Variants in FAM53A observed in about 807,000 individuals in gnomAD.
FAM53A encodes the protein family with sequence similarity 53 member A, also known as protein FAM53A.
In FAM53A, 28 loss-of-function variants were observed where a neutral mutation model predicts 26.6. The observed-to-expected ratio is 1.05, with a 90% CI of 0.78 to 1.45. The LOEUF (loss-of-function observed/expected upper bound fraction) is 1.45. Among genes scored for constraint, FAM53A ranks in the 40% most tolerant of loss-of-function variants. The pLI is 0.00. For missense variants in FAM53A, 650 were observed against 575.8 expected (o/e 1.13, Z -1.32); for synonymous variants, 290 against 253.1 (o/e 1.15, Z -1.38).
chr4:1,609,528 A>T, the FAM53A span, among the ~76,000 whole-genome samples: 1 of 152,002 alleles, frequency 6.6e-6, no homozygotes, highest in Non-Finnish European at 1.5e-5. Context: ...AGTGAGTCTC[A>T]CGAGATCTGA....
chr4:1,607,984 A>T, the FAM53A span, among the ~76,000 whole-genome samples: 1 of 149,214 alleles, frequency 6.7e-6, no homozygotes, highest in East Asian at 2.0e-4. Context: ...TGGTAGCACG[A>T]GCCTGTAATC....
chr4:1,583,275 C>T, the FAM53A span, among the ~76,000 whole-genome samples: 1 of 152,052 alleles, frequency 6.6e-6, no homozygotes, highest in African/African-American at 2.4e-5. Flanking sequence ...AGGCAGGGTA[C>T]AGTTAGAGAT....
downstream of FAM53A, among the ~76,000 whole-genome samples, chr4:1,613,270 G>C (rs1714694732): frequency 6.6e-6 from 1 of 152,232 alleles, no homozygotes; most frequent in Non-Finnish European, 1.5e-5. Flanking sequence ...GGCGCCGGCA[G>C]GTTTGGTGTC....
At chr4:1,588,445 T>G in the FAM53A span, among the ~76,000 whole-genome samples, 3 of 152,206 alleles carry the variant, frequency 2.0e-5, no homozygotes, top group African/African-American at 7.2e-5. Flanking sequence ...TGCCGAGAAC[T>G]GGACATCAAA....
chr4:1,668,079 G>T (rs939028613), intron 2 of FAM53A, among the ~76,000 whole-genome samples: 4 of 152,170 alleles, frequency 2.6e-5, no homozygotes, highest in Non-Finnish European at 5.9e-5. Context: ...CTGCGCTTGG[G>T]GCTCCAGCTT....
At chr4:1,680,043 G>A (rs548315294) in intron 1 of FAM53A, among the ~76,000 whole-genome samples, 10 of 137,264 alleles carry the variant, frequency 7.3e-5, no homozygotes, top group African/African-American at 1.9e-4. Flanking sequence ...AAAAAAGTCC[G>A]GGCACGGTGG....
Position 1,655,599 on chromosome 4 carries a change from C to CT in FAM53A, c.260dup (p.Pro88AlafsTer20). ...CTGCGCCTGGGCGCGGGGACTGTGG[C>CT]TGCCACTGAAGACCCATGGTGTGAG... On this transcript the variant is annotated frameshift_variant, in exon 4 of 5. Transcript: ENST00000308132. LOFTEE classifies it high-confidence loss of function. 1.9e-6 allele frequency: 3 copies of CT among 1,589,818 alleles called. No homozygotes were observed. The highest frequency in any genetic ancestry group is 2.6e-6 in the Non-Finnish European group (3 of 1,167,168).
the FAM53A span, among the ~76,000 whole-genome samples, chr4:1,579,561 C>G: frequency 1.3e-5 from 2 of 152,208 alleles, no homozygotes; most frequent in African/African-American, 2.4e-5. Flanking sequence ...GACGCAGCCT[C>G]TGTGTGACCA....
rs1426310085 is a variant in FAM53A at position 1,657,974 on chromosome 4, TTC to T, written c.76-508_76-507del. On this transcript the variant is annotated intron_variant, in intron 2 of 4. Transcript: ENST00000308132. Reference sequence around the variant, plus strand: ...ATTTTTAAATTTTTTAAAAAATTTTTTCTGTTTTTAAAAGAGCTGTTAACACT... The same window carrying T: ...ATTTTTAAATTTTTTAAAAAATTTTTTGTTTTTAAAAGAGCTGTTAACACT... Among the ~76,000 whole-genome samples, 6 of 149,008 alleles carry T rather than the reference TTC, an allele frequency of 4.0e-5. No homozygotes were observed. In the East Asian group the frequency reaches 1.2e-3, roughly 30 times the overall value.
chr4:1,607,261 C>G, the FAM53A span, among the ~76,000 whole-genome samples: 53 of 152,140 alleles, frequency 3.5e-4, no homozygotes, highest in Middle Eastern at 3.4e-3. Flanking sequence ...GCAAGTGATC[C>G]GCCTGCCTCG....
At chr4:1,634,782 C>G (rs1715763700) in intron 1 of FAM53A, among the ~76,000 whole-genome samples, 1 of 152,062 alleles carries the variant, frequency 6.6e-6, no homozygotes, top group South Asian at 2.1e-4. Context: ...CGCCTGTAAT[C>G]CCAGTTACTC....
chr4:1,623,137 T>C (rs1300079476), intron 1 of FAM53A, among the ~76,000 whole-genome samples: 2 of 152,156 alleles, frequency 1.3e-5, no homozygotes. Context: ...GCAGAAAGTA[T>C]GGCAGGTCCA....
chr4:1,648,809 A>T (rs79710755), intron 4 of FAM53A, among the ~76,000 whole-genome samples: 1 of 152,124 alleles, frequency 6.6e-6, no homozygotes, highest in Non-Finnish European at 1.5e-5. Flanking sequence ...TCATTAACAA[A>T]GTCACTGAAG....
At chr4:1,643,269 A>G (rs369395314) in intron 4 of FAM53A, among the ~76,000 whole-genome samples, 15 of 152,070 alleles carry the variant, frequency 9.9e-5, no homozygotes, top group African/African-American at 3.6e-4. Flanking sequence ...GATCAAGACC[A>G]TCCTGGCTAA....
the FAM53A span, among the ~76,000 whole-genome samples, chr4:1,588,089 C>G: frequency 6.6e-6 from 1 of 152,234 alleles, no homozygotes. Context: ...AATGCTAAGT[C>G]AGCCATCGGC....
rs1714734582 is a variant in FAM53A, at chr4:1,672,317, G to GCT, written c.-164-3413_-164-3412insAG. ...AGACCCAGGAACCCATGAACCCATGGACCCACAAACCCAGGAACCCATAGA... is the reference window on the plus strand; with the variant it reads ...AGACCCAGGAACCCATGAACCCATGGCTACCCACAAACCCAGGAACCCATAGA... On this transcript the variant is annotated intron_variant, in intron 1 of 4. Transcript: ENST00000308132. 9.5e-5 allele frequency among the ~76,000 whole-genome samples: 7 copies of GCT among 73,878 alleles called. 1 individual carries two copies. Among genetic ancestry groups the GCT allele is most frequent in the African/African-American group, 1.4e-4 (3 of 21,390 alleles). 48.5% of individuals were successfully genotyped at this position (73,878 alleles called of 152,430 possible).
chr4:1,612,443 G>T, the FAM53A span, among the ~76,000 whole-genome samples: 1 of 152,050 alleles, frequency 6.6e-6, no homozygotes, highest in African/African-American at 2.4e-5. Flanking sequence ...ACGCTCGAGG[G>T]GTGTGCTCCG....
chr4:1,665,810 C>G (rs1714179894), intron 2 of FAM53A, among the ~76,000 whole-genome samples: 1 of 152,080 alleles, frequency 6.6e-6, no homozygotes, highest in South Asian at 2.1e-4. Context: ...GACAAGTGCT[C>G]CACAAAGAGA....
At chr4:1,574,266 C>G in the FAM53A span, 1 of 152,486 alleles carries the variant, frequency 6.6e-6, no homozygotes, top group Non-Finnish European at 1.5e-5. Context: ...GGACTCTGCA[C>G]CATCTCCTGA....
Sources: allele counts gnomAD v4.1 joint callset (sites outside exome capture counted in the v4.1 genomes callset), GRCh38; gene constraint gnomAD v4.1.1; transcripts MANE v1.5; gene names NCBI Gene and HGNC (gene_info 2026-07-23, HGNC 2026-07-21).